The following TCF3 variants were observed in gnomAD, a reference collection of about 807,000 sequenced individuals.
The protein encoded by TCF3 is transcription factor E2-alpha.
A neutral mutation model predicts 72.3 loss-of-function variants in TCF3; 54 were observed. That is an observed-to-expected ratio of 0.75 (90% confidence interval 0.60 to 0.94). TCF3 has a LOEUF of 0.94. TCF3 is among the 40% of genes least tolerant of loss of function. The probability of loss-of-function intolerance (pLI) is 0.00; values close to 1 mark genes in which losing one functional copy is unlikely to be tolerated. For missense variants in TCF3, 1,078 were observed against 934.4 expected (o/e 1.15, Z -2.00); for synonymous variants, 525 against 412.6 (o/e 1.27, Z -3.30).
At chr19:1,647,362 G>A (rs1568513125) in intron 2 of TCF3, among the ~76,000 whole-genome samples, 1 of 152,242 alleles carries the variant, frequency 6.6e-6, no homozygotes, top group African/African-American at 2.4e-5. Flanking sequence ...CAGAGCCAGG[G>A]GCTTTCTGAG....
rs1202805781 is a variant in TCF3, at chr19:1,614,518, G to A, written c.1822+767C>T. On this transcript the variant is annotated intron_variant, in intron 18 of 18. Coordinates refer to ENST00000262965, the MANE Select transcript of TCF3 (RefSeq NM_003200.5). The surrounding 1 kb of genome is among the most constrained non-coding windows in gnomAD (Gnocchi z 5.6). The stretch of plus-strand genomic sequence containing the variant: ...AGAGAGGCGGGCTTGGGGGGCGCGA[G>A]GCGTGCCACACACGGCTGCAGAGAC... Among the ~76,000 whole-genome samples, 1 of 152,164 alleles carries A rather than the reference G, an allele frequency of 6.6e-6. No individual in the cohort carries two copies. The highest frequency in any genetic ancestry group is 1.5e-5 in the Non-Finnish European group (1 of 68,006).
chr19:1,613,599 C>T (rs2061257524), intron 18 of TCF3, among the ~76,000 whole-genome samples: 2 of 152,150 alleles, frequency 1.3e-5, no homozygotes, highest in South Asian at 4.1e-4. Context: ...CAGAGGAGGC[C>T]TTGAAGACAC....
intron 3 of TCF3, among the ~76,000 whole-genome samples, chr19:1,635,323 G>C (rs1311344476): frequency 6.6e-6 from 1 of 152,194 alleles, no homozygotes; most frequent in Non-Finnish European, 1.5e-5. Flanking sequence ...CCCTGCAGCA[G>C]CTTCCTTCCA....
In TCF3 at chr19:1,642,254, G is replaced by A. The variant is rs192310118; in HGVS notation, c.145+4101C>T. Among the ~76,000 whole-genome samples the A allele has an allele frequency of 6.0e-3, 898 of 149,094 alleles. 5 individuals are homozygous for A. Among genetic ancestry groups the A allele is most frequent in the Non-Finnish European group, 9.3e-3 (628 of 67,168 alleles). On this transcript the variant is annotated intron_variant, in intron 3 of 18. Transcript: ENST00000262965. Reference sequence around the variant, plus strand: ...CACGCACGCGCAGACGCACACACACGTGCGCACACACGCACGCACACGCAC... The same window carrying A: ...CACGCACGCGCAGACGCACACACACATGCGCACACACGCACGCACACGCAC...
intron 3 of TCF3, among the ~76,000 whole-genome samples, chr19:1,644,494 C>T (rs1272973791): frequency 1.3e-5 from 2 of 152,210 alleles, no homozygotes; most frequent in Non-Finnish European, 2.9e-5. Context: ...CTGGGCCTCA[C>T]TGGGCCCTCC....
chr19:1,651,866 A>G (rs1426032988), intron 1 of TCF3, among the ~76,000 whole-genome samples: 2 of 148,612 alleles, frequency 1.3e-5, no homozygotes, highest in East Asian at 2.0e-4. Context: ...GCGCAGACAA[A>G]AGGACGTCCC....
intron 3 of TCF3, among the ~76,000 whole-genome samples, chr19:1,645,375 C>T (rs2065932447): frequency 6.6e-6 from 1 of 152,058 alleles, no homozygotes; most frequent in South Asian, 2.1e-4. Context: ...ATCCTGTCGA[C>T]AGCCAGCCTG....
chr19:1,625,179 C>A (rs1195192679), intron 7 of TCF3, among the ~76,000 whole-genome samples: 1 of 152,252 alleles, frequency 6.6e-6, no homozygotes, highest in East Asian at 1.9e-4. Flanking sequence ...CCGGGTAGTT[C>A]AAGGCGCCGT....
At chr19:1,644,621 A>G (rs533665479) in intron 3 of TCF3, among the ~76,000 whole-genome samples, 1 of 152,318 alleles carries the variant, frequency 6.6e-6, no homozygotes, top group East Asian at 1.9e-4. Flanking sequence ...TACATCTGCA[A>G]ACATTGGCAG....
Position 1,615,863 on chromosome 19 carries a change from G to T in TCF3, c.1451-42C>A. 6.7e-7 allele frequency: 1 copy of T among 1,501,402 alleles called. No homozygotes were observed. Among genetic ancestry groups the T allele is most frequent in the Non-Finnish European group, 8.9e-7 (1 of 1,126,624 alleles). 93.0% of individuals were successfully genotyped at this position (1,501,402 alleles called of 1,614,324 possible). A position where few individuals can be genotyped will look rare whatever the true frequency, so the allele number is the denominator to read the frequency against. ...GTCAGGGGCCTGCGTCGGCCTCCAG[G>T]GCCAACTGACATATCTCTTTGTGCT... On this transcript the variant is annotated intron_variant, in intron 16 of 18. Transcript: ENST00000262965. The surrounding 1 kb of genome is among the most constrained non-coding windows in gnomAD (Gnocchi z 7.3).
intron 5 of TCF3, 88 bp downstream of exon 5, chr19:1,631,950 C>T (rs1319402865): frequency 6.4e-7 from 1 of 1,553,590 alleles, no homozygotes; most frequent in Non-Finnish European, 8.7e-7. Context: ...TGGGGACTTG[C>T]CTGGCGCTGT....
intron 13 of TCF3, among the ~76,000 whole-genome samples, chr19:1,620,205 G>A (rs2062017737): frequency 6.6e-6 from 1 of 152,306 alleles, no homozygotes; most frequent in South Asian, 2.1e-4. Context: ...AGGCAAGAAA[G>A]TGGCAAGCTC....
intron 3 of TCF3, among the ~76,000 whole-genome samples, chr19:1,640,115 C>T (rs1296058094): frequency 6.6e-6 from 1 of 152,192 alleles, no homozygotes; most frequent in Non-Finnish European, 1.5e-5. Context: ...CCTCCCTGCG[C>T]AGGTGGAAAG....
chr19:1,624,141 T>TACAC (rs2062597954), intron 7 of TCF3, 141 bp from the exon 8 acceptor site: 2 of 746,206 alleles, frequency 2.7e-6, no homozygotes, highest in East Asian at 5.6e-5. Flanking sequence ...CTCATGCCTG[T>TACAC]AATACCAGGA....
intron 3 of TCF3, among the ~76,000 whole-genome samples, chr19:1,634,869 T>C (rs377280272): frequency 2.6e-5 from 4 of 152,374 alleles, no homozygotes; most frequent in South Asian, 4.1e-4. Context: ...CGGCTGCTTT[T>C]GCTGCAACAG....
chr19:1,629,535 C>T (rs372946480), intron 5 of TCF3, among the ~76,000 whole-genome samples: 22 of 152,020 alleles, frequency 1.4e-4, no homozygotes, highest in East Asian at 7.7e-4. Flanking sequence ...CTGGCCAAGG[C>T]GAGCCCCCAG....
Position 1,615,776 on chromosome 19 carries a change from C to T in TCF3, c.1496G>A (p.Arg499Gln), listed in dbSNP as rs149277795. ...GATAAASEIK[R>Q]EEKEDEENTS... is the part of the protein sequence containing the mutation. ...GTTCTCCTCGTCCTCCTTCTCCTCCCGCTTGATCTCGCTGGCGGCCGCCGT... is the reference window on the plus strand; with the variant it reads ...GTTCTCCTCGTCCTCCTTCTCCTCCTGCTTGATCTCGCTGGCGGCCGCCGT... The change falls in exon 17 of 19, where the codon CGG becomes CAG. Residue 499 changes from arginine (R) to glutamine (Q), a missense_variant. Arg to Gln is a conservative substitution (Grantham distance 43). Transcript: ENST00000262965. This position sits in a 1 kb window ranked among gnomAD's most constrained non-coding sequence, Gnocchi z 7.3. 244 of 1,590,218 alleles carry T rather than the reference C, an allele frequency of 1.5e-4. 1 individual carries two copies. The highest frequency in any genetic ancestry group is 1.6e-4 in the Non-Finnish European group (187 of 1,165,204).
At chr19:1,644,309 A>T (rs1207849366) in intron 3 of TCF3, among the ~76,000 whole-genome samples, 1 of 152,162 alleles carries the variant, frequency 6.6e-6, no homozygotes, top group East Asian at 1.9e-4. Flanking sequence ...GGCAATGAGG[A>T]GGGTGCCACC....
At chr19:1,646,138 C>CGAGGGGCT (rs2066054175) in intron 3 of TCF3, among the ~76,000 whole-genome samples, 1 of 152,130 alleles carries the variant, frequency 6.6e-6, no homozygotes. Flanking sequence ...GACGAGGGGA[C>CGAGGGGCT]GAGGGGCTCA....
Sources: gnomAD v4.1 joint callset for allele counts (sites outside exome capture counted in the v4.1 genomes callset) on GRCh38, gnomAD v4.1.1 for gene constraint, Gnocchi (gnomAD v3.1) non-coding constraint, MANE v1.5 for transcripts, NCBI Gene and HGNC (gene_info 2026-07-23, HGNC 2026-07-21) for gene names.